The following FRS2 variants were observed in gnomAD, a reference collection of about 807,000 sequenced individuals.
FRS2 encodes the protein fibroblast growth factor receptor substrate 2, also known as FGFR signalling adaptor.
Under a neutral mutation model 43.9 loss-of-function variants are expected in FRS2, and 8 were observed. The observed-to-expected ratio is 0.18, with a 90% CI of 0.11 to 0.33. FRS2 has a LOEUF of 0.33. FRS2 is among the 10% of genes least tolerant of loss of function. The pLI, the probability that FRS2 is intolerant of heterozygous loss-of-function variation, is 1.00. For missense variants in FRS2, 534 were observed against 627.6 expected (o/e 0.85, Z 1.59); for synonymous variants, 219 against 220.3 (o/e 0.99, Z 0.05).
chr12:69,574,693 T>C lies in FRS2; in HGVS notation c.1265T>C (p.Phe422Ser). The C allele has an allele frequency of 6.2e-7, 1 of 1,614,186 alleles. No individual in the cohort carries two copies. The highest frequency in any genetic ancestry group is 8.5e-7 in the Non-Finnish European group (1 of 1,180,034). ...GACTGTACACCAACAGTCTTTAACT[T>C]TGATATCAGACGCCCAAGTTTAGAA... ...RRDCTPTVFNFDIRRPSLEHR... is the reference protein window; with the variant it reads ...RRDCTPTVFNSDIRRPSLEHR... Residue 422 changes from phenylalanine (F) to serine (S), a missense_variant, in exon 9 of 9, where the codon TTT (phenylalanine) becomes TCT (serine). Coordinates refer to ENST00000549921, the MANE Select transcript of FRS2 (RefSeq NM_001278356.2).
chr12:69,495,692 G>T (rs1484185306), intron 1 of FRS2, among the ~76,000 whole-genome samples: 1 of 152,126 alleles, frequency 6.6e-6, no homozygotes, highest in African/African-American at 2.4e-5. Context: ...GTTTAAGACT[G>T]GCCTGGGCAA....
chr12:69,572,788 G>C (rs187764431), intron 8 of FRS2, among the ~76,000 whole-genome samples: 1 of 152,190 alleles, frequency 6.6e-6, no homozygotes, highest in African/African-American at 2.4e-5. Flanking sequence ...AGTTTTTAGT[G>C]TTTTTAAAAT....
intron 1 of FRS2, chr12:69,486,231 G>C (rs1267605011): frequency 6.7e-6 from 1 of 150,310 alleles, no homozygotes. Flanking sequence ...CCTGTATTCA[G>C]AATTCTGTAT....
At chr12:69,502,517 A>G (rs1873548793) in intron 1 of FRS2, among the ~76,000 whole-genome samples, 1 of 152,054 alleles carries the variant, frequency 6.6e-6, no homozygotes, top group African/African-American at 2.4e-5. Flanking sequence ...TATAGGTGTG[A>G]GTCACCATGC....
In FRS2 at chr12:69,575,012, A is replaced by G. The variant is rs1260890081; in HGVS notation, c.*57A>G. The G allele has an allele frequency of 1.8e-5, 20 of 1,129,964 alleles. No homozygotes were observed. Among genetic ancestry groups the G allele is most frequent in the Non-Finnish European group, 2.5e-5 (19 of 767,284 alleles). The allele number at this position is 1,129,964 out of a possible 1,614,324, so 70.0% of individuals were successfully genotyped here. A position where few individuals can be genotyped will look rare whatever the true frequency, so the allele number is the denominator to read the frequency against. ...GTGAAGTTTTTAAAAATGAAGATGC[A>G]AGTGCTTCATTTTCATTTCTAAACA... is the stretch of plus-strand genomic sequence containing the variant. On this transcript the variant is annotated 3_prime_UTR_variant, in exon 9 of 9. Transcript: ENST00000549921.
At chr12:69,558,099 A>G (rs559142249) in intron 3 of FRS2, among the ~76,000 whole-genome samples, 2 of 152,230 alleles carry the variant, frequency 1.3e-5, no homozygotes, top group East Asian at 3.9e-4. Flanking sequence ...TGTCAGATTC[A>G]CTGTGAGATA....
In FRS2 at chr12:69,578,890, A is replaced by C. The variant is rs1044169830; in HGVS notation, c.*3935A>C. 1 of 152,586 alleles carries C rather than the reference A, an allele frequency of 6.6e-6. No individual in the cohort carries two copies. Among genetic ancestry groups the C allele is most frequent in the Non-Finnish European group, 1.5e-5 (1 of 68,028 alleles). The allele number at this position is 152,586 out of a possible 1,614,324, so 9.5% of individuals were successfully genotyped here. On this transcript the variant is annotated 3_prime_UTR_variant, in exon 9 of 9. Transcript: ENST00000549921. ...TATATGAAATATGAATTTTACCCCCATGGTTAATTTCTTTTATAAACATTC... is the reference window on the plus strand; with the variant it reads ...TATATGAAATATGAATTTTACCCCCCTGGTTAATTTCTTTTATAAACATTC...
At chr12:69,540,953 C>T (rs1877848691) in intron 3 of FRS2, among the ~76,000 whole-genome samples, 1 of 152,162 alleles carries the variant, frequency 6.6e-6, no homozygotes, top group South Asian at 2.1e-4. Context: ...CTACAAAATA[C>T]TTTACAGGTG....
At chr12:69,522,275 A>G (rs895566517) in intron 1 of FRS2, among the ~76,000 whole-genome samples, 1 of 150,784 alleles carries the variant, frequency 6.6e-6, no homozygotes, top group Admixed American at 6.6e-5. Context: ...TGCTCACCTC[A>G]TAGAATGAGT....
intron 3 of FRS2, among the ~76,000 whole-genome samples, chr12:69,537,283 C>T (rs1433756302): frequency 6.6e-6 from 1 of 152,018 alleles, no homozygotes; most frequent in Admixed American, 6.5e-5. Context: ...TACCTAATTA[C>T]TGTTTTCTTG....
chr12:69,546,280 C>T (rs1164399713), intron 3 of FRS2, among the ~76,000 whole-genome samples: 4 of 151,652 alleles, frequency 2.6e-5, no homozygotes, highest in African/African-American at 9.7e-5. Context: ...TTTTTGGAGA[C>T]AGAGTCTCGC....
At chr12:69,572,749 T>C (rs767825298) in intron 8 of FRS2, among the ~76,000 whole-genome samples, 3 of 152,266 alleles carry the variant, frequency 2.0e-5, no homozygotes, top group South Asian at 2.1e-4. Flanking sequence ...GTTATACTTA[T>C]GTTTTGTAAA....
At chr12:69,538,136 A>G (rs960851723) in intron 3 of FRS2, among the ~76,000 whole-genome samples, 10 of 150,502 alleles carry the variant, frequency 6.6e-5, no homozygotes, top group Non-Finnish European at 3.0e-5. Context: ...CACCTTTCGT[A>G]GCTTTTTACA....
intron 1 of FRS2, among the ~76,000 whole-genome samples, chr12:69,478,787 A>G (rs979866754): frequency 4.0e-5 from 6 of 151,412 alleles, no homozygotes; most frequent in African/African-American, 1.5e-4. Context: ...ATGAACTACC[A>G]TGTATGACCA....
At chr12:69,487,703 C>G (rs1872084191) in intron 1 of FRS2, among the ~76,000 whole-genome samples, 1 of 152,128 alleles carries the variant, frequency 6.6e-6, no homozygotes, top group African/African-American at 2.4e-5. Flanking sequence ...CTATAGGTGC[C>G]ATAGGTAGTG....
At chr12:69,471,387 A>G (rs995965804) in intron 1 of FRS2, among the ~76,000 whole-genome samples, 7 of 152,206 alleles carry the variant, frequency 4.6e-5, no homozygotes, top group African/African-American at 1.2e-4. Flanking sequence ...TTGGACAGTT[A>G]TATCCTTTCT....
At chr12:69,499,722 C>T (rs1873255273) in intron 1 of FRS2, among the ~76,000 whole-genome samples, 1 of 133,914 alleles carries the variant, frequency 7.5e-6, no homozygotes, top group Non-Finnish European at 1.5e-5. Flanking sequence ...CAGGTAGCTT[C>T]TAGATTTTTA....
rs1409513618 is a variant in FRS2, at chr12:69,574,964, A to G, written c.*9A>G. The G allele has an allele frequency of 4.5e-6, 7 of 1,553,936 alleles. No homozygotes were observed. The East Asian group carries it at 1.6e-4, about 35-fold the overall frequency. On this transcript the variant is annotated 3_prime_UTR_variant, in exon 9 of 9. Transcript: ENST00000549921. ...CTGATCTGCCCATGTGAGCCTGGAA[A>G]GCATTGTGTTGTTTGCACCTTTGTG...
chr12:69,493,253 A>T (rs2120966261), intron 1 of FRS2, among the ~76,000 whole-genome samples: 1 of 152,356 alleles, frequency 6.6e-6, no homozygotes, highest in African/African-American at 2.4e-5. Flanking sequence ...CAGCCTTTTC[A>T]GCAAAGTATA....
Sources: allele counts gnomAD v4.1 joint callset (sites outside exome capture counted in the v4.1 genomes callset), GRCh38; gene constraint gnomAD v4.1.1; transcripts MANE v1.5; gene names NCBI Gene and HGNC (gene_info 2026-07-23, HGNC 2026-07-21).